OTOGL: variants seen among roughly 807,000 people sequenced by gnomAD.
The protein encoded by OTOGL is otogelin-like protein.
In OTOGL, 285 loss-of-function variants were observed where a neutral mutation model predicts 318.5. The ratio of observed to expected loss-of-function variants is 0.89; its 90% CI spans 0.81 to 0.99. OTOGL has a LOEUF of 0.99. Among genes scored for constraint, OTOGL ranks in the 50% least tolerant of loss-of-function variants. OTOGL has a pLI of 0.00. For missense variants in OTOGL, 2,899 were observed against 2,845.6 expected, an observed-to-expected ratio of 1.02 and a Z score of -0.43; for synonymous variants, 987 against 936.5, an observed-to-expected ratio of 1.05 and a Z score of -0.99.
Position 80,369,777 on chromosome 12 carries a change from A to G in OTOGL, c.6616-793A>G, listed in dbSNP as rs76337504. 3.4e-3 allele frequency among the ~76,000 whole-genome samples: 518 copies of G among 152,148 alleles called. 2 individuals carry two copies. Among genetic ancestry groups the G allele is most frequent in the African/African-American group, 0.012 (485 of 41,564 alleles). On this transcript the variant is annotated intron_variant, in intron 55 of 58. Transcript: ENST00000547103. ...AGAAGGCCTAGAACAACATGCCCCC[A>G]CCATGGCCAACCGTCTTGAAATAAA... is the stretch of plus-strand genomic sequence containing the variant.
At chr12:80,366,041 A>G (rs535692351) in intron 52 of OTOGL, among the ~76,000 whole-genome samples, 4 of 152,096 alleles carry the variant, frequency 2.6e-5, no homozygotes. Flanking sequence ...AACTCTTTAC[A>G]TATATTGATC....
intron 1 of OTOGL, among the ~76,000 whole-genome samples, chr12:80,183,563 G>A (rs1875078051): frequency 1.3e-5 from 2 of 152,132 alleles, no homozygotes; most frequent in African/African-American, 4.8e-5. Context: ...TTACCTATAG[G>A]CAATTAAATG....
chr12:80,105,607 T>C (rs1377165195), intron 1 of OTOGL, among the ~76,000 whole-genome samples: 1 of 152,220 alleles, frequency 6.6e-6, no homozygotes, highest in Non-Finnish European at 1.5e-5. Flanking sequence ...TTTAGCCCAG[T>C]CTATATAAAT....
At chr12:80,167,503 T>C (rs1008374441) in intron 1 of OTOGL, among the ~76,000 whole-genome samples, 71 of 152,130 alleles carry the variant, frequency 4.7e-4, no homozygotes, top group African/African-American at 1.6e-3. Context: ...GTAAGAACTA[T>C]TGAGAACCTA....
At chr12:80,265,737 T>A (rs549625139) in intron 20 of OTOGL, 12 of 157,436 alleles carry the variant, frequency 7.6e-5, no homozygotes, top group Admixed American at 6.7e-4. Flanking sequence ...CCCATTAGAA[T>A]CTTTTGTGAC....
At chr12:80,318,092 T>G (rs1352740600) in intron 32 of OTOGL, among the ~76,000 whole-genome samples, 1 of 152,136 alleles carries the variant, frequency 6.6e-6, no homozygotes, top group Non-Finnish European at 1.5e-5. Flanking sequence ...CCTTCCCCTT[T>G]CCTAATTGGA....
intron 26 of OTOGL, among the ~76,000 whole-genome samples, chr12:80,280,989 T>G (rs1884192990): frequency 6.6e-6 from 1 of 151,876 alleles, no homozygotes; most frequent in Non-Finnish European, 1.5e-5. Context: ...TGGATTTTGC[T>G]CTCAGCTTGA....
intron 26 of OTOGL, among the ~76,000 whole-genome samples, chr12:80,279,636 C>G (rs1884069971): frequency 6.6e-6 from 1 of 151,508 alleles, no homozygotes; most frequent in African/African-American, 2.4e-5. Flanking sequence ...TTTCTTATGG[C>G]CATGTAATAT....
At chr12:80,251,827 T>A in intron 12 of OTOGL, 28 bp downstream of exon 12, 1 of 1,537,190 alleles carries the variant, frequency 6.5e-7, no homozygotes. Context: ...CCAAGCCCTG[T>A]GTACTTTTGC....
intron 1 of OTOGL, among the ~76,000 whole-genome samples, chr12:80,140,644 T>C (rs1871873938): frequency 6.6e-6 from 1 of 152,194 alleles, no homozygotes; most frequent in Non-Finnish European, 1.5e-5. Context: ...TCTCCTCATA[T>C]ATAAAATGTG....
Position 80,238,816 on chromosome 12 carries a change from T to TTG in OTOGL, c.818-16_818-15dup, listed in dbSNP as rs143126749. On this transcript the variant is annotated intron_variant, in intron 9 of 58. Coordinates refer to ENST00000547103, the MANE Select transcript of OTOGL (RefSeq NM_001378609.3). ...TGGAAAATGATATGATTACACCTAT[T>TTG]TGTGTGTGTGTGTGTGTGTGCCTGT... The TTG allele has an allele frequency of 8.8e-3, 11,234 of 1,271,716 alleles. 16 individuals carry two copies. The highest frequency in any genetic ancestry group is 0.01 in the Non-Finnish European group (9,641 of 955,776). 78.8% of individuals were successfully genotyped at this position (1,271,716 alleles called of 1,614,324 possible). A position where few individuals can be genotyped will look rare whatever the true frequency, so the allele number is the denominator to read the frequency against.
chr12:80,159,456 A>T (rs1345372976), intron 1 of OTOGL, among the ~76,000 whole-genome samples: 2 of 152,086 alleles, frequency 1.3e-5, no homozygotes, highest in South Asian at 4.1e-4. Flanking sequence ...GAATATGTCC[A>T]GTCCTGGACT....
intron 33 of OTOGL, 100 bp from the exon 34 acceptor site, chr12:80,320,322 T>C (rs1246179556): frequency 9.0e-7 from 1 of 1,110,392 alleles, no homozygotes; most frequent in South Asian, 2.2e-5. Context: ...TGTTTGGCAA[T>C]TGTGCAGTAC....
intron 53 of OTOGL, 41 bp from the exon 54 acceptor site, chr12:80,367,520 C>T (rs780033266): frequency 7.2e-7 from 1 of 1,390,234 alleles, no homozygotes; most frequent in South Asian, 1.4e-5. Context: ...GTACAAAACT[C>T]AACAGTATAT....
In OTOGL at chr12:80,222,008, G is replaced by A. The variant is rs534714404; in HGVS notation, c.335-83G>A. ...AGGAAGGAAATTTGAATGAAAATTAGAATCATTTACCATGACTGACTGAAC... is the reference window on the plus strand; with the variant it reads ...AGGAAGGAAATTTGAATGAAAATTAAAATCATTTACCATGACTGACTGAAC... On this transcript the variant is annotated intron_variant, in intron 6 of 58. Coordinates refer to ENST00000547103, the MANE Select transcript of OTOGL (RefSeq NM_001378609.3). 338 of 1,384,982 alleles carry A rather than the reference G, an allele frequency of 2.4e-4. No homozygotes were observed. The African/African-American group carries it at 4.7e-3, about 19-fold the overall frequency. 85.8% of individuals were successfully genotyped at this position (1,384,982 alleles called of 1,614,324 possible). A position where few individuals can be genotyped will look rare whatever the true frequency, so the allele number is the denominator to read the frequency against.
chr12:80,243,172 C>A (rs1880527892), intron 11 of OTOGL, among the ~76,000 whole-genome samples: 2 of 151,964 alleles, frequency 1.3e-5, no homozygotes, highest in East Asian at 3.9e-4. Flanking sequence ...TTCTTGAAAG[C>A]AGTGTGAGAG....
intron 1 of OTOGL, among the ~76,000 whole-genome samples, chr12:80,106,450 T>C (rs890390706): frequency 3.2e-4 from 49 of 152,314 alleles, no homozygotes; most frequent in African/African-American, 1.1e-3. Flanking sequence ...GAATGTCCAC[T>C]TTTCTTCTTT....
At chr12:80,243,982 G>A (rs939811607) in intron 11 of OTOGL, among the ~76,000 whole-genome samples, 21 of 150,576 alleles carry the variant, frequency 1.4e-4, no homozygotes, top group Non-Finnish European at 5.9e-5. Flanking sequence ...GTACAAACTA[G>A]GCGCAGAAAT....
At chr12:80,100,172 A>G (rs1447646294) in intron 1 of OTOGL, among the ~76,000 whole-genome samples, 3 of 152,204 alleles carry the variant, frequency 2.0e-5, no homozygotes, top group Admixed American at 1.3e-4. Context: ...AAATTTGCTC[A>G]AGAACTCAGG....
Sources: allele counts gnomAD v4.1 joint callset (sites outside exome capture counted in the v4.1 genomes callset), GRCh38; gene constraint gnomAD v4.1.1; transcripts MANE v1.5; gene names NCBI Gene and HGNC (gene_info 2026-07-23, HGNC 2026-07-21).